Variants in RTEL1 observed in about 807,000 individuals in gnomAD.
RTEL1 encodes the protein regulator of telomere length.
A neutral mutation model predicts 162.2 loss-of-function variants in RTEL1; 86 were observed. The ratio of observed to expected loss-of-function variants is 0.53; its 90% CI spans 0.45 to 0.63. The LOEUF (loss-of-function observed/expected upper bound fraction) is 0.63. Among genes scored for constraint, RTEL1 ranks in the 30% least tolerant of loss-of-function variants. The pLI is 0.00. For synonymous variants in RTEL1, 958 were observed against 717.9 expected, an observed-to-expected ratio of 1.33 and a Z score of -5.35; for missense variants, 1,941 against 1,750.2, an observed-to-expected ratio of 1.11 and a Z score of -1.95.
Position 63,694,753 on chromosome 20 carries a change from G to C in RTEL1, c.3122G>C (p.Ser1041Thr), listed in dbSNP as rs938381938. 1.9e-6 allele frequency: 3 copies of C among 1,604,316 alleles called. No individual in the cohort carries two copies. Among genetic ancestry groups the C allele is most frequent in the Non-Finnish European group, 2.6e-6 (3 of 1,175,404 alleles). Residue 1041 changes from serine to threonine, a missense_variant, in exon 32 of 35, where the codon AGC (serine) becomes ACC (threonine). By Grantham distance (58) the Ser-to-Thr change is moderately conservative. Transcript: ENST00000360203. ...ACTCCCACACCAGGAGACCCTGGCA[G>C]CCAACCACAGTGGGGGTCTGGAGTG... is the stretch of plus-strand genomic sequence containing the variant. The part of the protein sequence containing the change: ...PRPPPTGDPG[S>T]QPQWGSGVPR...
chr20:63,679,129 C>T (rs924532511), intron 12 of RTEL1, among the ~76,000 whole-genome samples: 2 of 152,198 alleles, frequency 1.3e-5, no homozygotes, highest in African/African-American at 4.8e-5. Flanking sequence ...CTCCAGTCTT[C>T]TCCGCAGCCA....
In RTEL1 at chr20:63,679,868, G is replaced by A; in HGVS notation, c.1057G>A (p.Ala353Thr). Residue 353 changes from alanine (A) to threonine (T), a missense_variant, in exon 13 of 35, where the codon GCT (alanine) becomes ACT (threonine). Physicochemically the swap from Ala to Thr is moderately conservative, Grantham distance 58. Transcript: ENST00000360203. ...CGGCAGCTACATCTTTGAGCTGTTT[G>A]CTGAAGCCCAGATCACGTTTCAGAC... ...KPGSYIFELF[A>T]EAQITFQTKG... 1.2e-6 allele frequency: 2 copies of A among 1,611,206 alleles called. No homozygotes were observed. Among genetic ancestry groups the A allele is most frequent in the Non-Finnish European group, 1.7e-6 (2 of 1,179,956 alleles).
Position 63,693,133 on chromosome 20 carries a change from T to C in RTEL1, c.2852-10T>C, listed in dbSNP as rs1253786905. 3 of 1,612,206 alleles carry C rather than the reference T, an allele frequency of 1.9e-6. No homozygotes were observed. The highest frequency in any genetic ancestry group is 1.7e-5 in the Admixed American group (1 of 59,988). ...GGGGCAGATGGGGACAGACGCCCCT[T>C]CCTCTACAGGCTTCTACCAGTTTGT... On this transcript the variant is annotated splice_polypyrimidine_tract_variant and intron_variant, in intron 29 of 34. Coordinates refer to ENST00000360203, the MANE Select transcript of RTEL1 (RefSeq NM_001283009.2).
Position 63,694,764 on chromosome 20 carries a change from TGGG to T in RTEL1, c.3136_3138del (p.Gly1046del), listed in dbSNP as rs1555814207. 6.2e-7 allele frequency: 1 copy of T among 1,607,570 alleles called. No individual in the cohort carries two copies. Among genetic ancestry groups the T allele is most frequent in the Non-Finnish European group, 8.5e-7 (1 of 1,176,902 alleles). On this transcript the variant is annotated inframe_deletion, in exon 32 of 35. Transcript: ENST00000360203. ...AGGAGACCCTGGCAGCCAACCACAG[TGGG>T]GGTCTGGAGTGCCCAGAGCAGGGAA...
In RTEL1 at chr20:63,694,384, C is replaced by T. The variant is rs767735975; in HGVS notation, c.3005C>T (p.Pro1002Leu). ...ATCTCTTCATCAGGAAGAACGGCGC[C>T]GGATCCCAAGCTGACCGTGTCCACG... Reference protein sequence around the residue: ...PVLDPTGRTAPDPKLTVSTAA... With the variant: ...PVLDPTGRTALDPKLTVSTAA... The change falls in exon 31 of 35, where the codon CCG becomes CTG. Residue 1002 changes from proline (P) to leucine (L), a missense_variant. By Grantham distance (98) the Pro-to-Leu change is moderately conservative. Coordinates refer to ENST00000360203, the MANE Select transcript of RTEL1 (RefSeq NM_001283009.2). The T allele has an allele frequency of 2.5e-5, 40 of 1,612,178 alleles. No individual in the cohort carries two copies. Among genetic ancestry groups the T allele is most frequent in the South Asian group, 1.2e-4 (11 of 91,082 alleles).
chr20:63,678,447 T>C (rs948052367), intron 12 of RTEL1, 101 bp downstream of exon 12: 21 of 1,105,610 alleles, frequency 1.9e-5, no homozygotes, highest in Non-Finnish European at 1.7e-5. Flanking sequence ...TGAGGCCTGT[T>C]TTCAGGCCTG....
intron 28 of RTEL1, 59 bp from the exon 29 acceptor site, chr20:63,692,745 AG>A (rs1380221938): frequency 1.3e-6 from 2 of 1,511,658 alleles, no homozygotes; most frequent in Non-Finnish European, 1.8e-6. Flanking sequence ...AAGGCTCTGC[AG>A]CCCCAGGGAC....
At position 63,667,459 on chromosome 20, in the gene RTEL1, T is replaced by C. The variant is rs762692931; in HGVS notation, c.615-10T>C. 4.7e-5 allele frequency: 75 copies of C among 1,610,534 alleles called. No individual in the cohort carries two copies. Among genetic ancestry groups the C allele is most frequent in the Non-Finnish European group, 5.9e-5 (70 of 1,176,970 alleles). On this transcript the variant is annotated splice_polypyrimidine_tract_variant and intron_variant, in intron 7 of 34. Coordinates refer to ENST00000360203, the MANE Select transcript of RTEL1 (RefSeq NM_001283009.2). ...GGTGCTCACAGGATCTTCTCCTCTC[T>C]CCTTCCCAGGGTGTGCCCTTACTAC...
intron 16 of RTEL1, 127 bp from the exon 17 acceptor site, chr20:63,687,511 G>A: frequency 9.1e-7 from 1 of 1,100,156 alleles, no homozygotes; most frequent in East Asian, 2.6e-5. Flanking sequence ...CAGTGGGCCT[G>A]GGTGGCTGCC....
At chr20:63,681,931 G>C in intron 14 of RTEL1, 3 of 985,392 alleles carry the variant, frequency 3.0e-6, no homozygotes, top group Non-Finnish European at 3.6e-6. Flanking sequence ...GTGCTGTCCC[G>C]CATGGAGTGT....
chr20:63,680,631 C>T, intron 13 of RTEL1, 33 bp from the exon 14 acceptor site: 1 of 1,610,632 alleles, frequency 6.2e-7, no homozygotes, highest in East Asian at 2.2e-5. Context: ...CCCCTGCCTG[C>T]AGTGTGGGTG....
In RTEL1 at chr20:63,666,086, C is replaced by T. The variant is rs1315426199; in HGVS notation, c.614+7C>T. 2 of 1,613,174 alleles carry T rather than the reference C, an allele frequency of 1.2e-6. No individual in the cohort carries two copies. The highest frequency in any genetic ancestry group is 2.2e-5 in the East Asian group (1 of 44,884). On this transcript the variant is annotated splice_region_variant and intron_variant, in intron 7 of 34. Coordinates refer to ENST00000360203, the MANE Select transcript of RTEL1 (RefSeq NM_001283009.2). ...AGAGCGGAAGCAAGCACAGGTGAGA[C>T]CCCTCAGTGAGGCCACGACCACTGT...
chr20:63,689,707 G>C (rs371954769), intron 23 of RTEL1, 43 bp from the exon 24 acceptor site: 2 of 1,604,514 alleles, frequency 1.2e-6, no homozygotes, highest in East Asian at 2.2e-5. Context: ...CCCCCGCCCC[G>C]TGGCCAAGGG....
In RTEL1 at chr20:63,680,946, T is replaced by C. The variant is rs2297440; in HGVS notation, c.1191+227T>C. 755,767 of 985,136 alleles carry C rather than the reference T, an allele frequency of 0.77. 292,261 individuals are homozygous for C. Among genetic ancestry groups the C allele is most frequent in the African/African-American group, 0.94 (54,058 of 57,300 alleles). 61.0% of individuals were successfully genotyped at this position (985,136 alleles called of 1,614,324 possible). On this transcript the variant is annotated intron_variant, in intron 14 of 34. Coordinates refer to ENST00000360203, the MANE Select transcript of RTEL1 (RefSeq NM_001283009.2). ...GTCTGGTGGCACATGCCCAGGGTGA[T>C]GCTGGTGAGGGAGGACGCAAAGGAC...
chr20:63,693,618 TCCACCACCACCTCCACCA>T (rs2090869278), intron 30 of RTEL1, among the ~76,000 whole-genome samples: 14 of 1,900 alleles, frequency 7.4e-3, no homozygotes, highest in Non-Finnish European at 0.012. Flanking sequence ...CACCTCCACC[TCCACCACCACCTCCACCA>T]CCACCACCTC....
At chr20:63,695,269 G>T (rs1263446911) in intron 33 of RTEL1, 48 bp downstream of exon 33, 3 of 1,601,224 alleles carry the variant, frequency 1.9e-6, no homozygotes, top group South Asian at 1.1e-5. Context: ...ACCGCACGCA[G>T]CCCTGGGAGT....
At position 63,670,385 on chromosome 20, in the gene RTEL1, G is replaced by A. The variant is rs112354173; in HGVS notation, c.700-2171G>A. ...GGGAGAGCATCCGGACAGACGTTTC[G>A]CCAAGATGGGTGGAATGGCCAGTTA... On this transcript the variant is annotated intron_variant, in intron 8 of 34. Coordinates refer to ENST00000360203, the MANE Select transcript of RTEL1 (RefSeq NM_001283009.2). Among the ~76,000 whole-genome samples, 9 of 136,642 alleles carry A rather than the reference G, an allele frequency of 6.6e-5. 2 individuals carry two copies. Among genetic ancestry groups the A allele is most frequent in the Admixed American group, 7.5e-5 (1 of 13,274 alleles). 89.6% of individuals were successfully genotyped at this position (136,642 alleles called of 152,430 possible). A position where few individuals can be genotyped will look rare whatever the true frequency, so the allele number is the denominator to read the frequency against.
At chr20:63,672,733 C>G in intron 9 of RTEL1, 112 bp downstream of exon 9, 1 of 879,438 alleles carries the variant, frequency 1.1e-6, no homozygotes, top group South Asian at 1.4e-5. Context: ...CCCTAGGTGC[C>G]CAGGACTGGG....
chr20:63,661,456 A>C lies in RTEL1; in HGVS notation c.261A>C (p.Ser87=). 6.2e-7 allele frequency: 1 copy of C among 1,613,008 alleles called. No individual in the cohort carries two copies. Among genetic ancestry groups the C allele is most frequent in the African/African-American group, 1.3e-5 (1 of 74,912 alleles). The change falls in exon 3 of 35, where the codon TCA becomes TCC. Residue 87 remains serine, a synonymous_variant. Coordinates refer to ENST00000360203, the MANE Select transcript of RTEL1 (RefSeq NM_001283009.2). The surrounding 1 kb of genome is among the most constrained non-coding windows in gnomAD (Gnocchi z 5.1). The part of the protein sequence containing the change: ...QGELFPDRAL[S]SWGNAAAAAG... Reference sequence around the variant, plus strand: ...AGCTTTTCCCGGATCGGGCCTTGTCATCCTGGGGCAACGCTGCTGCTGCTG... The same window carrying C: ...AGCTTTTCCCGGATCGGGCCTTGTCCTCCTGGGGCAACGCTGCTGCTGCTG...
Sources: allele counts gnomAD v4.1 joint callset (sites outside exome capture counted in the v4.1 genomes callset), GRCh38; gene constraint gnomAD v4.1.1; non-coding constraint Gnocchi (gnomAD v3.1); transcripts MANE v1.5; gene names NCBI Gene and HGNC (gene_info 2026-07-23, HGNC 2026-07-21).